SGK3: variants seen among roughly 807,000 people sequenced by gnomAD.
SGK3 encodes the protein serum/glucocorticoid regulated kinase family member 3.
In SGK3, 47 loss-of-function variants were observed where a neutral mutation model predicts 68.5. The observed-to-expected ratio is 0.69, with a 90% CI of 0.54 to 0.87. SGK3 has a LOEUF of 0.87. Among genes scored for constraint, SGK3 ranks in the 40% least tolerant of loss-of-function variants. The probability of loss-of-function intolerance (pLI) is 0.00; values close to 1 mark genes in which losing one functional copy is unlikely to be tolerated. For synonymous variants in SGK3, 181 were observed against 189.1 expected (o/e 0.96, Z 0.35); for missense variants, 479 against 575.5 (o/e 0.83, Z 1.72).
chr8:66,858,214 C>A (rs760816918), intron 16 of SGK3, among the ~76,000 whole-genome samples: 1 of 152,006 alleles, frequency 6.6e-6, no homozygotes, highest in Non-Finnish European at 1.5e-5. Flanking sequence ...GCCTGTAATT[C>A]CAGCACTTTG....
chr8:66,831,385 TGTC>T, intron 8 of SGK3, 74 bp downstream of exon 8: 1 of 1,563,430 alleles, frequency 6.4e-7, no homozygotes. Flanking sequence ...CTCACTCTGT[TGTC>T]CAGGCTGGAG....
chr8:66,775,441 G>A (rs931388394), intron 1 of SGK3: 2 of 152,502 alleles, frequency 1.3e-5, no homozygotes, highest in African/African-American at 4.8e-5. Flanking sequence ...GACGGGCCCC[G>A]GTGCCATTTC....
intron 16 of SGK3, among the ~76,000 whole-genome samples, chr8:66,857,157 A>G (rs551861442): frequency 1.3e-5 from 2 of 152,204 alleles, no homozygotes; most frequent in African/African-American, 4.8e-5. Context: ...CAAGGATTGT[A>G]TATAAGAATT....
At chr8:66,772,286 CTG>C (rs1806535163) in intron 1 of SGK3, among the ~76,000 whole-genome samples, 1 of 149,546 alleles carries the variant, frequency 6.7e-6, no homozygotes, top group African/African-American at 2.5e-5. Flanking sequence ...CGGAGTCTCT[CTG>C]TATTGCTGCG....
intron 1 of SGK3, among the ~76,000 whole-genome samples, chr8:66,769,896 A>G (rs1157709491): frequency 6.7e-6 from 1 of 150,286 alleles, no homozygotes; most frequent in African/African-American, 2.4e-5. Flanking sequence ...AACTGTTTTA[A>G]TGTCCTAGTC....
chr8:66,722,550 G>A (rs1027786297), intron 1 of SGK3, among the ~76,000 whole-genome samples: 1 of 152,228 alleles, frequency 6.6e-6, no homozygotes, highest in Non-Finnish European at 1.5e-5. Context: ...GGGATTACAG[G>A]CGTGAGCCGC....
intron 1 of SGK3, among the ~76,000 whole-genome samples, chr8:66,778,582 A>C (rs1300758052): frequency 6.6e-6 from 1 of 152,252 alleles, no homozygotes; most frequent in Non-Finnish European, 1.5e-5. Context: ...GGCGTGAGCC[A>C]CCGTGCCCAG....
At chr8:66,794,273 A>T (rs1807583661) in intron 2 of SGK3, among the ~76,000 whole-genome samples, 1 of 152,144 alleles carries the variant, frequency 6.6e-6, no homozygotes, top group Admixed American at 6.5e-5. Context: ...AGGCTAAGCC[A>T]TTTCTAATTT....
chr8:66,749,054 G>A (rs781317682), intron 1 of SGK3, among the ~76,000 whole-genome samples: 4 of 151,980 alleles, frequency 2.6e-5, no homozygotes, highest in East Asian at 1.9e-4. Flanking sequence ...GCATCACCAC[G>A]CCCGGCTAAA....
At chr8:66,774,888 T>C (rs1237150666) in intron 1 of SGK3, among the ~76,000 whole-genome samples, 1 of 73,670 alleles carries the variant, frequency 1.4e-5, no homozygotes, top group East Asian at 3.5e-4. Flanking sequence ...ATGAGCGCGG[T>C]TGTTTTGAGA....
At chr8:66,748,712 G>A (rs1805719621) in intron 1 of SGK3, among the ~76,000 whole-genome samples, 1 of 152,080 alleles carries the variant, frequency 6.6e-6, no homozygotes, top group South Asian at 2.1e-4. Flanking sequence ...ACAAGTAGAA[G>A]GAGTAGGCTC....
intron 1 of SGK3, among the ~76,000 whole-genome samples, chr8:66,754,330 T>G (rs1585670636): frequency 6.6e-6 from 1 of 152,324 alleles, no homozygotes; most frequent in Non-Finnish European, 1.5e-5. Context: ...TAAGGAACAT[T>G]GCACCATTTT....
intron 1 of SGK3, among the ~76,000 whole-genome samples, chr8:66,723,127 ATATATTTTTT>A (rs1223250832): frequency 8.1e-5 from 4 of 49,392 alleles, no homozygotes; most frequent in Non-Finnish European, 1.1e-4. Flanking sequence ...ATATATATAT[ATATATTTTTT>A]TTTTTTTTTT....
At chr8:66,841,423 A>G (rs938154580) in intron 13 of SGK3, among the ~76,000 whole-genome samples, 1 of 152,190 alleles carries the variant, frequency 6.6e-6, no homozygotes, top group African/African-American at 2.4e-5. Flanking sequence ...GTTTTCTTCT[A>G]AGGTAAATAT....
At chr8:66,822,298 G>T in intron 5 of SGK3, 74 bp from the exon 6 acceptor site, 9 of 1,358,458 alleles carry the variant, frequency 6.6e-6, no homozygotes, top group South Asian at 3.0e-5. Flanking sequence ...TTTCTATTTT[G>T]ATTTTCATTT....
At chr8:66,717,845 A>G (rs1804681772) in intron 1 of SGK3, among the ~76,000 whole-genome samples, 2 of 151,892 alleles carry the variant, frequency 1.3e-5, no homozygotes, top group Non-Finnish European at 2.9e-5. Flanking sequence ...CTGGGTCTAC[A>G]GTTGTGCACC....
chr8:66,727,526 A>G (rs80211694), intron 1 of SGK3, among the ~76,000 whole-genome samples: 6,191 of 152,294 alleles, frequency 0.041, 163 homozygotes, highest in African/African-American at 0.073. Flanking sequence ...CTTAATCCCC[A>G]ATACAACAGC....
chr8:66,800,583 T>G (rs979971227), intron 3 of SGK3, among the ~76,000 whole-genome samples: 29 of 152,122 alleles, frequency 1.9e-4, no homozygotes, highest in African/African-American at 7.0e-4. Flanking sequence ...GATAAATTCC[T>G]AAATGGGTCA....
At chr8:66,820,906 A>G (rs1029938589) in intron 5 of SGK3, among the ~76,000 whole-genome samples, 6 of 151,882 alleles carry the variant, frequency 4.0e-5, no homozygotes, top group Non-Finnish European at 7.4e-5. Flanking sequence ...GAGTCTTGCT[A>G]TGTTGCCCAG....
Sources: gnomAD v4.1 joint callset for allele counts (sites outside exome capture counted in the v4.1 genomes callset) on GRCh38, gnomAD v4.1.1 for gene constraint, MANE v1.5 for transcripts, NCBI Gene and HGNC (gene_info 2026-07-23, HGNC 2026-07-21) for gene names.